The following MRPL48 variants were observed in gnomAD, a reference collection of about 807,000 sequenced individuals.
MRPL48 encodes mitochondrial ribosomal protein L48.
A neutral mutation model predicts 32.9 loss-of-function variants in MRPL48; 16 were observed. The observed-to-expected ratio is 0.49, with a 90% CI of 0.33 to 0.74. The LOEUF (loss-of-function observed/expected upper bound fraction) is 0.74. MRPL48 is among the 30% of genes least tolerant of loss of function. The pLI is 0.02. For missense variants in MRPL48, 206 were observed against 245.3 expected, an observed-to-expected ratio of 0.84 and a Z score of 1.07; for synonymous variants, 94 against 89.2, an observed-to-expected ratio of 1.05 and a Z score of -0.31.
At chr11:73,823,654 G>GTT (rs57616234) in intron 3 of MRPL48, among the ~76,000 whole-genome samples, 23,359 of 105,366 alleles carry the variant, frequency 0.22, 2,497 homozygotes, top group African/African-American at 0.32. Context: ...TTTCTTTTCT[G>GTT]TTTTTTTTTT....
chr11:73,810,576 G>A (rs1469886342), intron 3 of MRPL48, among the ~76,000 whole-genome samples: 3 of 144,658 alleles, frequency 2.1e-5, no homozygotes, highest in African/African-American at 7.8e-5. Context: ...TTTTTTTATT[G>A]TAATTTAAGT....
At chr11:73,801,233 G>A (rs1363999436) in intron 1 of MRPL48, among the ~76,000 whole-genome samples, 1 of 152,006 alleles carries the variant, frequency 6.6e-6, no homozygotes, top group Non-Finnish European at 1.5e-5. Context: ...TTCCCATCCA[G>A]TCCCTCTTCT....
intron 6 of MRPL48, among the ~76,000 whole-genome samples, chr11:73,861,345 G>T (rs761297150): frequency 6.6e-6 from 1 of 151,788 alleles, no homozygotes; most frequent in South Asian, 2.1e-4. Context: ...CCAGCCACAC[G>T]TGGAGCTAGT....
intron 3 of MRPL48, chr11:73,817,714 G>T (rs1042776127): frequency 4.7e-5 from 11 of 234,774 alleles, no homozygotes; most frequent in Non-Finnish European, 8.9e-5. Flanking sequence ...ACTCACTAAT[G>T]TTGGCTCACC....
chr11:73,823,620 C>T (rs1005028262), intron 3 of MRPL48, among the ~76,000 whole-genome samples: 11 of 146,892 alleles, frequency 7.5e-5, no homozygotes, highest in African/African-American at 2.5e-4. Flanking sequence ...GATCTGATTT[C>T]AGTTTCTTAT....
intron 4 of MRPL48, chr11:73,832,503 C>G (rs184479689): frequency 6.5e-6 from 1 of 152,872 alleles, no homozygotes; most frequent in Admixed American, 6.5e-5. Context: ...GTCATATACC[C>G]TTGACTAAGG....
chr11:73,815,067 A>G (rs781081657), intron 3 of MRPL48, among the ~76,000 whole-genome samples: 1 of 152,188 alleles, frequency 6.6e-6, no homozygotes, highest in Non-Finnish European at 1.5e-5. Flanking sequence ...GCATGAATAT[A>G]GTTTCTGCCT....
chr11:73,862,556 G>A (rs1372748028), intron 6 of MRPL48, among the ~76,000 whole-genome samples: 1 of 151,992 alleles, frequency 6.6e-6, no homozygotes, highest in Non-Finnish European at 1.5e-5. Flanking sequence ...CTGAGATAGC[G>A]CCACTTCACT....
At chr11:73,799,213 GT>G (rs1440142016) in intron 1 of MRPL48, among the ~76,000 whole-genome samples, 2 of 152,042 alleles carry the variant, frequency 1.3e-5, no homozygotes, top group Non-Finnish European at 2.9e-5. Context: ...TTAGCCGAGT[GT>G]AGTGGCACAC....
intron 4 of MRPL48, among the ~76,000 whole-genome samples, chr11:73,839,581 A>G (rs1020632009): frequency 4.6e-5 from 7 of 152,164 alleles, no homozygotes; most frequent in African/African-American, 1.7e-4. Flanking sequence ...ATCATGTGAA[A>G]ACAAAAAATG....
In MRPL48 at chr11:73,800,243, TA is replaced by T. The variant is rs879758114; in HGVS notation, c.22-4772del. Among the ~76,000 whole-genome samples the T allele has an allele frequency of 6.7e-4, 97 of 145,450 alleles. 1 individual carries two copies. Among genetic ancestry groups the T allele is most frequent in the Middle Eastern group, 6.9e-3 (2 of 288 alleles). On this transcript the variant is annotated intron_variant, in intron 1 of 7. Transcript: ENST00000310614. ...GGCAATATAGTAAGATCCGGTCTCT[TA>T]AAAAAAAAAAATTAAAAAGACAAAT...
At chr11:73,809,142 T>TA (rs1262098040) in intron 3 of MRPL48, among the ~76,000 whole-genome samples, 1 of 151,156 alleles carries the variant, frequency 6.6e-6, no homozygotes, top group Non-Finnish European at 1.5e-5. Flanking sequence ...TCTCTTAAAT[T>TA]AAAAAAATTT....
chr11:73,796,221 C>A (rs1292077559), intron 1 of MRPL48, among the ~76,000 whole-genome samples: 1 of 152,240 alleles, frequency 6.6e-6, no homozygotes, highest in East Asian at 1.9e-4. Context: ...GCAGTTACGG[C>A]CGCCCAAACT....
At chr11:73,857,828 G>C (rs1032198157) in intron 5 of MRPL48, among the ~76,000 whole-genome samples, 5 of 151,946 alleles carry the variant, frequency 3.3e-5, no homozygotes, top group African/African-American at 1.2e-4. Context: ...CCTGACCTCA[G>C]GTGATCCACC....
At chr11:73,808,510 A>G (rs1033050285) in intron 3 of MRPL48, among the ~76,000 whole-genome samples, 160 bp downstream of exon 3, 1 of 152,222 alleles carries the variant, frequency 6.6e-6, no homozygotes, top group African/African-American at 2.4e-5. Flanking sequence ...ATGGGTGAGA[A>G]CATCAAGTAG....
chr11:73,811,629 T>C (rs1947569287), intron 3 of MRPL48, among the ~76,000 whole-genome samples: 1 of 152,226 alleles, frequency 6.6e-6, no homozygotes, highest in African/African-American at 2.4e-5. Context: ...ATCATTATTC[T>C]CTAGCCTTGG....
intron 3 of MRPL48, among the ~76,000 whole-genome samples, chr11:73,819,072 T>C (rs193084105): frequency 6.6e-6 from 1 of 152,336 alleles, no homozygotes; most frequent in Admixed American, 6.5e-5. Flanking sequence ...GTTGAACTTA[T>C]TGGAAATCAG....
At chr11:73,838,540 C>G (rs192232000) in intron 4 of MRPL48, among the ~76,000 whole-genome samples, 2 of 152,188 alleles carry the variant, frequency 1.3e-5, no homozygotes, top group African/African-American at 4.8e-5. Flanking sequence ...AGCTCCTCCC[C>G]TCTCTGCTGG....
At chr11:73,832,110 G>A (rs1948007949) in intron 4 of MRPL48, among the ~76,000 whole-genome samples, 1 of 152,120 alleles carries the variant, frequency 6.6e-6, no homozygotes, top group African/African-American at 2.4e-5. Flanking sequence ...AGAAAGATGT[G>A]GAAGGATGAA....
Sources: gnomAD v4.1 joint callset for allele counts (sites outside exome capture counted in the v4.1 genomes callset) on GRCh38, gnomAD v4.1.1 for gene constraint, MANE v1.5 for transcripts, NCBI Gene and HGNC (gene_info 2026-07-23, HGNC 2026-07-21) for gene names.